Variants in ESAM observed in about 807,000 individuals in gnomAD.
ESAM encodes the protein endothelial cell adhesion molecule, also known as endothelial cell-selective adhesion molecule.
ESAM carries 23 observed loss-of-function variants against 31.8 expected under a neutral mutation model. The ratio of observed to expected loss-of-function variants is 0.72; its 90% confidence interval spans 0.52 to 1.03. The LOEUF (loss-of-function observed/expected upper bound fraction) is 1.03, where lower values mean the gene tolerates loss of function less well. ESAM is among the 50% of genes least tolerant of loss of function. ESAM has a pLI of 0.00. For missense variants in ESAM, 478 were observed against 488.9 expected, an observed-to-expected ratio of 0.98 and a Z score of 0.21; for synonymous variants, 216 against 207.2, an observed-to-expected ratio of 1.04 and a Z score of -0.37.
At position 124,758,441 on chromosome 11, in the gene ESAM, A is replaced by T. The variant is rs1565442566; in HGVS notation, c.157T>A (p.Trp53Arg). 5.0e-6 allele frequency: 8 copies of T among 1,613,970 alleles called. No individual in the cohort carries two copies. The highest frequency in any genetic ancestry group is 5.1e-6 in the Non-Finnish European group (6 of 1,179,960). Residue 53 changes from tryptophan to arginine, a missense_variant, in exon 2 of 7, where the codon TGG (tryptophan) becomes AGG (arginine). By Grantham distance (101) the Trp-to-Arg change is moderately radical (BLOSUM62 -3). Transcript: ENST00000278927. ...VEGGEVVLPA[W>R]YTLHGEVSSS... ...GACACCTCCCCGTGCAAGGTGTACC[A>T]CGCTGGAAGCACCACTTCCCCTCCC...
In ESAM at chr11:124,758,544, G is replaced by A; in HGVS notation, c.71-17C>T. On this transcript the variant is annotated splice_polypyrimidine_tract_variant and intron_variant, in intron 1 of 6. Coordinates refer to ENST00000278927, the MANE Select transcript of ESAM (RefSeq NM_138961.3). ...AGGGGGGCGCTGGAGACAAGAGCGA[G>A]GCGTGAGTGCCCAGGACCGGCTCCC... The A allele has an allele frequency of 2.0e-6, 3 of 1,516,160 alleles. No homozygotes were observed. Among genetic ancestry groups the A allele is most frequent in the Non-Finnish European group, 2.6e-6 (3 of 1,132,096 alleles). 93.9% of individuals were successfully genotyped at this position (1,516,160 alleles called of 1,614,324 possible). A position where few individuals can be genotyped will look rare whatever the true frequency, so the allele number is the denominator to read the frequency against.
rs199605348 is a variant in ESAM at position 124,758,531 on chromosome 11, G to C, written c.71-4C>G. Reference sequence around the variant, plus strand: ...AGCTGGGCCCGCGAGGGGGGCGCTGGAGACAAGAGCGAGGCGTGAGTGCCC... The same window carrying C: ...AGCTGGGCCCGCGAGGGGGGCGCTGCAGACAAGAGCGAGGCGTGAGTGCCC... On this transcript the variant is annotated splice_region_variant and splice_polypyrimidine_tract_variant and intron_variant, in intron 1 of 6. Transcript: ENST00000278927. 12 of 1,540,330 alleles carry C rather than the reference G, an allele frequency of 7.8e-6. No homozygotes were observed. Among genetic ancestry groups the C allele is most frequent in the Non-Finnish European group, 1.0e-5 (12 of 1,143,544 alleles).
Position 124,761,740 on chromosome 11 carries a change from C to A in ESAM, c.70+345G>T, listed in dbSNP as rs1440605440. Among the ~76,000 whole-genome samples the A allele has an allele frequency of 8.2e-5, 12 of 146,734 alleles. No homozygotes were observed. In the Admixed American group the frequency reaches 8.4e-4, roughly 10 times the overall value. On this transcript the variant is annotated intron_variant, in intron 1 of 6. Transcript: ENST00000278927. The stretch of plus-strand genomic sequence containing the variant: ...AGAGTTAAGTCCTTAAGCTCTTTAG[C>A]CAGTGTCTCATCTAGCGGCTCAGCT...
rs542969270 is a variant in ESAM, at chr11:124,754,043, C to T, written c.858-82G>A. The T allele has an allele frequency of 6.4e-7, 1 of 1,567,086 alleles. No individual in the cohort carries two copies. The highest frequency in any genetic ancestry group is 1.3e-5 in the African/African-American group (1 of 74,120). On this transcript the variant is annotated intron_variant, in intron 6 of 6. Coordinates refer to ENST00000278927, the MANE Select transcript of ESAM (RefSeq NM_138961.3). This position sits in a 1 kb window ranked among gnomAD's most constrained non-coding sequence, Gnocchi z 4.5. ...TTTCTACCTGCTTGGTCTTATATAC[C>T]ACCTCTGCCTGCACACTTCAGTACT...
At chr11:124,760,162 C>T in intron 1 of ESAM, among the ~76,000 whole-genome samples, 1 of 152,224 alleles carries the variant, frequency 6.6e-6, no homozygotes, top group East Asian at 1.9e-4. Flanking sequence ...TGCTCCTTGC[C>T]CTTCGCCCTG....
Position 124,756,723 on chromosome 11 carries a change from C to G in ESAM, c.269G>C (p.Gly90Ala). 1.9e-6 allele frequency: 3 copies of G among 1,614,086 alleles called. No homozygotes were observed. The highest frequency in any genetic ancestry group is 2.5e-6 in the Non-Finnish European group (3 of 1,180,020). ...KEDQVLSYINGVTTSKPGVSL... is the reference protein window; with the variant it reads ...KEDQVLSYINAVTTSKPGVSL... Reference sequence around the variant, plus strand: ...TACTCCAGGTTTGCTTGTTGTGACCCCATTGATGTAGGACAACACCTGGTG... The same window carrying G: ...TACTCCAGGTTTGCTTGTTGTGACCGCATTGATGTAGGACAACACCTGGTG... The change falls in exon 3 of 7, where the codon GGG (glycine) becomes GCG (alanine). Residue 90 changes from glycine (G) to alanine (A), a missense_variant. Physicochemically the swap from Gly to Ala is moderately conservative, Grantham distance 60. Coordinates refer to ENST00000278927, the MANE Select transcript of ESAM (RefSeq NM_138961.3).
intron 1 of ESAM, 99 bp downstream of exon 1, chr11:124,761,986 G>C: frequency 9.3e-7 from 1 of 1,076,178 alleles, no homozygotes; most frequent in South Asian, 1.3e-5. Flanking sequence ...AGGGCGAGTC[G>C]TGGGACCCAG....
intron 3 of ESAM, 82 bp downstream of exon 3, chr11:124,756,459 C>T (rs1413484589): frequency 6.3e-7 from 1 of 1,586,694 alleles, no homozygotes; most frequent in South Asian, 1.2e-5. Context: ...GTTCCTCCTC[C>T]AACTTTTGTC....
rs1944125726 is a variant in ESAM at position 124,754,056 on chromosome 11, A to G, written c.858-95T>C. 1.9e-6 allele frequency: 3 copies of G among 1,550,262 alleles called. No homozygotes were observed. In the South Asian group the frequency reaches 3.6e-5, roughly 19 times the overall value. On this transcript the variant is annotated intron_variant, in intron 6 of 6. Transcript: ENST00000278927. This position sits in a 1 kb window ranked among gnomAD's most constrained non-coding sequence, Gnocchi z 4.5. ...GGTCTTATATACCACCTCTGCCTGC[A>G]CACTTCAGTACTCCTTTCCCTCTCC...
chr11:124,759,921 G>T lies in ESAM; in HGVS notation c.71-1394C>A, dbSNP rs1490260076. ...TGGCCATTCCGCTGAGGCCGGGCAC[G>T]CCTGGAGCCTGCAGGTGCTGCCGGC... On this transcript the variant is annotated intron_variant, in intron 1 of 6. Transcript: ENST00000278927. The surrounding 1 kb of genome is among the most constrained non-coding windows in gnomAD (Gnocchi z 6.8). Among the ~76,000 whole-genome samples the T allele has an allele frequency of 1.3e-5, 2 of 152,202 alleles. No homozygotes were observed. The highest frequency in any genetic ancestry group is 2.9e-5 in the Non-Finnish European group (2 of 68,042).
Position 124,754,102 on chromosome 11 carries a change from A to G in ESAM, c.857+112T>C. The stretch of plus-strand genomic sequence containing the variant: ...TCTCCCTTAAAACCTGCCCATAGGA[A>G]TGATGTTTCAGCCACTGACCCCATC... On this transcript the variant is annotated intron_variant, in intron 6 of 6. Transcript: ENST00000278927. The surrounding 1 kb of genome is among the most constrained non-coding windows in gnomAD (Gnocchi z 4.5). The G allele has an allele frequency of 6.4e-7, 1 of 1,554,430 alleles. No individual in the cohort carries two copies.
In ESAM at chr11:124,753,462, TCTC is replaced by T. The variant is rs1368060018; in HGVS notation, c.*181_*183del. ...TCCCAATTCCAGATCCACTTCCTCTTCTCCTTCTGTCTCCTGGACACTTAGGTC... is the reference window on the plus strand; with the variant it reads ...TCCCAATTCCAGATCCACTTCCTCTTCTTCTGTCTCCTGGACACTTAGGTC... On this transcript the variant is annotated 3_prime_UTR_variant, in exon 7 of 7. Transcript: ENST00000278927. The T allele has an allele frequency of 1.4e-5, 9 of 648,192 alleles. No homozygotes were observed. The South Asian group carries it at 1.5e-4, about 11-fold the overall frequency. 40.2% of individuals were successfully genotyped at this position (648,192 alleles called of 1,614,324 possible). A position where few individuals can be genotyped will look rare whatever the true frequency, so the allele number is the denominator to read the frequency against.
At chr11:124,760,675 A>G (rs1944218755) in intron 1 of ESAM, among the ~76,000 whole-genome samples, 1 of 152,236 alleles carries the variant, frequency 6.6e-6, no homozygotes, top group African/African-American at 2.4e-5. Flanking sequence ...TTTTGAGTCC[A>G]GGTCTTCAGT....
Position 124,753,666 on chromosome 11 carries a change from G to C in ESAM, c.1153C>G (p.Gln385Glu). 1 of 1,613,772 alleles carries C rather than the reference G, an allele frequency of 6.2e-7. No individual in the cohort carries two copies. The highest frequency in any genetic ancestry group is 8.5e-7 in the Non-Finnish European group (1 of 1,180,038). Residue 385 changes from glutamine (Q) to glutamate (E), a missense_variant, in exon 7 of 7, where the codon CAA (glutamine) becomes GAA (glutamate). Physicochemically the swap from Gln to Glu is conservative, Grantham distance 29 (BLOSUM62 2). Coordinates refer to ENST00000278927, the MANE Select transcript of ESAM (RefSeq NM_138961.3). ...AVPVMVPAQS[Q>E]AGSLV ...GGTCATCATACCAGAGAGCCAGCTT[G>C]ACTCTGGGCAGGCACCATCACAGGC...
chr11:124,762,238 A>T lies in ESAM; in HGVS notation c.-84T>A. On this transcript the variant is annotated 5_prime_UTR_variant, in exon 1 of 7. Coordinates refer to ENST00000278927, the MANE Select transcript of ESAM (RefSeq NM_138961.3). The surrounding 1 kb of genome is among the most constrained non-coding windows in gnomAD (Gnocchi z 6.4). ...GGTGCCGAGGCTGCGCGACGGCCGGAGCGTGCGCGGGAGCCGAGCCGCTGA... is the reference window on the plus strand; with the variant it reads ...GGTGCCGAGGCTGCGCGACGGCCGGTGCGTGCGCGGGAGCCGAGCCGCTGA... The T allele has an allele frequency of 8.8e-7, 1 of 1,131,858 alleles. No homozygotes were observed. Among genetic ancestry groups the T allele is most frequent in the Non-Finnish European group, 1.2e-6 (1 of 820,210 alleles). 70.1% of individuals were successfully genotyped at this position (1,131,858 alleles called of 1,614,324 possible). A position where few individuals can be genotyped will look rare whatever the true frequency, so the allele number is the denominator to read the frequency against.
chr11:124,761,262 G>A (rs2134464392), intron 1 of ESAM, among the ~76,000 whole-genome samples: 1 of 152,326 alleles, frequency 6.6e-6, no homozygotes, highest in Non-Finnish European at 1.5e-5. Flanking sequence ...AAAGGGCCTA[G>A]TCCTGCCGGG....
intron 1 of ESAM, among the ~76,000 whole-genome samples, chr11:124,760,676 G>T (rs1238617998): frequency 6.6e-6 from 1 of 152,248 alleles, no homozygotes; most frequent in African/African-American, 2.4e-5. Flanking sequence ...TTTGAGTCCA[G>T]GTCTTCAGTC....
chr11:124,755,989 T>C (rs1447251698), intron 4 of ESAM, among the ~76,000 whole-genome samples: 1 of 152,214 alleles, frequency 6.6e-6, no homozygotes, highest in Non-Finnish European at 1.5e-5. Context: ...ACTCCAGCTG[T>C]AGAGCCTGTT....
chr11:124,756,538 C>T lies in ESAM; in HGVS notation c.451+3G>A. 1 of 1,613,910 alleles carries T rather than the reference C, an allele frequency of 6.2e-7. No homozygotes were observed. Among genetic ancestry groups the T allele is most frequent in the Middle Eastern group, 1.7e-4 (1 of 6,058 alleles). ...GGGGTCCGGAAATCTGCTTCTCACT[C>T]ACCCAGTACATTGAGTTCTAAGGTT... is the stretch of plus-strand genomic sequence containing the variant. On this transcript the variant is annotated splice_donor_region_variant and intron_variant, in intron 3 of 6. Coordinates refer to ENST00000278927, the MANE Select transcript of ESAM (RefSeq NM_138961.3).
Sources: allele counts gnomAD v4.1 joint callset (sites outside exome capture counted in the v4.1 genomes callset), GRCh38; gene constraint gnomAD v4.1.1; non-coding constraint Gnocchi (gnomAD v3.1); transcripts MANE v1.5; gene names NCBI Gene and HGNC (gene_info 2026-07-23, HGNC 2026-07-21).